The following ZNF469 variants were observed in gnomAD, a reference collection of about 807,000 sequenced individuals.
ZNF469 encodes zinc finger protein 469.
A neutral mutation model predicts 1.0 loss-of-function variants in ZNF469; 1 was observed. The ratio of observed to expected loss-of-function variants is 1.00; its 90% CI spans 0.35 to 4.73. The LOEUF (loss-of-function observed/expected upper bound fraction) is 4.73. ZNF469 is among the 30% of genes most tolerant of loss of function. The pLI is 0.16. For missense variants in ZNF469, 6,100 were observed against 5,356.3 expected, an observed-to-expected ratio of 1.14 and a Z score of -4.33; for synonymous variants, 2,703 against 2,363.4, an observed-to-expected ratio of 1.14 and a Z score of -4.17.
chr16:88,340,816 T>C, the ZNF469 span, among the ~76,000 whole-genome samples: 14 of 152,050 alleles, frequency 9.2e-5, no homozygotes. Context: ...GGGAGGAGTT[T>C]ACAGGCAGAG....
At chr16:88,235,869 T>C in the ZNF469 span, among the ~76,000 whole-genome samples, 1 of 151,962 alleles carries the variant, frequency 6.6e-6, no homozygotes, top group Non-Finnish European at 1.5e-5. Flanking sequence ...GGACAGGAGG[T>C]TCAGGCAGAG....
At chr16:88,382,507 G>T (rs985083060), upstream of ZNF469, among the ~76,000 whole-genome samples, 2 of 152,178 alleles carry the variant, frequency 1.3e-5, no homozygotes, top group Non-Finnish European at 2.9e-5. Flanking sequence ...AGCGTGCCAT[G>T]GGGACCTCCT....
rs969419472 is a variant in ZNF469, at chr16:88,428,692, G to C, written c.1222G>C (p.Gly408Arg). The C allele has an allele frequency of 7.1e-6, 11 of 1,549,488 alleles. No individual in the cohort carries two copies. Among genetic ancestry groups the C allele is most frequent in the Non-Finnish European group, 9.6e-6 (11 of 1,146,790 alleles). Reference sequence around the variant, plus strand: ...CTCCCTACCCCAGAGGCACTTTCCAGGGCAGGCGTACAGAGCCAGTGGGGT... The same window carrying C: ...CTCCCTACCCCAGAGGCACTTTCCACGGCAGGCGTACAGAGCCAGTGGGGT... ...PSSLPQRHFPGQAYRASGVDT... is the reference protein window; with the variant it reads ...PSSLPQRHFPRQAYRASGVDT... The change falls in exon 3 of 3, where the codon GGG becomes CGG. Residue 408 changes from glycine (G) to arginine (R), a missense_variant. Physicochemically the swap from Gly to Arg is moderately radical, Grantham distance 125. Coordinates refer to ENST00000565624, the MANE Select transcript of ZNF469 (RefSeq NM_001367624.2).
chr16:88,132,031 G>A, the ZNF469 span, among the ~76,000 whole-genome samples: 1 of 152,232 alleles, frequency 6.6e-6, no homozygotes, highest in South Asian at 2.1e-4. Flanking sequence ...GCGGCAGGAC[G>A]GCACTCCCAG....
the ZNF469 span, among the ~76,000 whole-genome samples, chr16:88,202,663 A>G: frequency 6.6e-6 from 1 of 152,064 alleles, no homozygotes; most frequent in Non-Finnish European, 1.5e-5. Flanking sequence ...AGACCTTAGG[A>G]AACGTTGTGT....
Position 88,434,099 on chromosome 16 carries a change from T to G in ZNF469, c.6629T>G (p.Leu2210Arg), listed in dbSNP as rs564413710. 3.9e-6 allele frequency: 6 copies of G among 1,550,266 alleles called. No homozygotes were observed. Among genetic ancestry groups the G allele is most frequent in the Middle Eastern group, 1.7e-4 (1 of 6,014 alleles). ...AGCCCCTGCGATCCCAAGGAAGCCC[T>G]GGCTGGTTGCCTTCTCCAGGGGGAG... ...TTSPCDPKEA[L>R]AGCLLQGEGS... The change falls in exon 3 of 3, where the codon CTG becomes CGG. Residue 2210 changes from leucine to arginine, a missense_variant. Leu to Arg is a moderately radical substitution (Grantham distance 102, BLOSUM62 -2). Transcript: ENST00000565624.
chr16:88,355,394 C>T, the ZNF469 span, among the ~76,000 whole-genome samples: 3 of 152,358 alleles, frequency 2.0e-5, no homozygotes, highest in South Asian at 2.1e-4. Context: ...CTACCCTCCC[C>T]GTCCCGCCAC....
chr16:88,264,361 T>C, the ZNF469 span, among the ~76,000 whole-genome samples: 1 of 151,802 alleles, frequency 6.6e-6, no homozygotes, highest in Non-Finnish European at 1.5e-5. Flanking sequence ...GATGCCCACC[T>C]TCCTCTCTCC....
the ZNF469 span, among the ~76,000 whole-genome samples, chr16:88,274,038 C>G: frequency 6.6e-6 from 1 of 152,120 alleles, no homozygotes; most frequent in Non-Finnish European, 1.5e-5. Flanking sequence ...CTCCTGACCT[C>G]GTGATCCGCC....
the ZNF469 span, among the ~76,000 whole-genome samples, chr16:88,182,886 C>T: frequency 6.6e-6 from 1 of 152,248 alleles, no homozygotes; most frequent in Non-Finnish European, 1.5e-5. Flanking sequence ...AAAAAACTGA[C>T]AAACTGAACT....
the ZNF469 span, among the ~76,000 whole-genome samples, chr16:88,280,813 G>A: frequency 2.6e-5 from 4 of 151,818 alleles, no homozygotes; most frequent in Non-Finnish European, 4.4e-5. Context: ...GGTTGGTGCT[G>A]TGCCACCCTG....
the ZNF469 span, among the ~76,000 whole-genome samples, chr16:88,376,531 G>T: frequency 6.6e-6 from 1 of 152,226 alleles, no homozygotes; most frequent in Non-Finnish European, 1.5e-5. Flanking sequence ...CCGTGAACGG[G>T]CCCATTCATG....
intron 1 of ZNF469, among the ~76,000 whole-genome samples, chr16:88,407,512 G>A (rs967926208): frequency 2.0e-5 from 3 of 152,234 alleles, no homozygotes; most frequent in South Asian, 2.1e-4. Flanking sequence ...GTCGGACACC[G>A]AACGAGGCCG....
the ZNF469 span, among the ~76,000 whole-genome samples, chr16:88,258,101 C>T: frequency 6.6e-6 from 1 of 152,106 alleles, no homozygotes; most frequent in Non-Finnish European, 1.5e-5. Context: ...TGGTACAGAC[C>T]AGTAGAAGCA....
the ZNF469 span, among the ~76,000 whole-genome samples, chr16:88,197,939 G>A: frequency 3.9e-5 from 6 of 152,362 alleles, no homozygotes; most frequent in Admixed American, 2.0e-4. Flanking sequence ...GCAGCTGCAC[G>A]CTAGTGTGCC....
the ZNF469 span, among the ~76,000 whole-genome samples, chr16:88,183,997 T>C: frequency 6.6e-6 from 1 of 151,806 alleles, no homozygotes; most frequent in Non-Finnish European, 1.5e-5. Context: ...CAGCTTTCTG[T>C]TCCTACCGGG....
chr16:88,223,198 C>T, the ZNF469 span, among the ~76,000 whole-genome samples: 3 of 152,232 alleles, frequency 2.0e-5, no homozygotes, highest in South Asian at 6.2e-4. Context: ...TGGGAGGGAC[C>T]CAGTGGGAGA....
chr16:88,163,996 GGTA>G, the ZNF469 span, among the ~76,000 whole-genome samples: 2 of 151,096 alleles, frequency 1.3e-5, no homozygotes, highest in African/African-American at 2.4e-5. Context: ...TAGATGGGTG[GGTA>G]GATATATGGA....
At chr16:88,129,433 C>T in the ZNF469 span, among the ~76,000 whole-genome samples, 8 of 96,594 alleles carry the variant, frequency 8.3e-5, no homozygotes, top group East Asian at 2.2e-4. Context: ...TTGCACATAC[C>T]GTTTTTTTTG....
Sources: gnomAD v4.1 joint callset for allele counts (sites outside exome capture counted in the v4.1 genomes callset) on GRCh38, gnomAD v4.1.1 for gene constraint, MANE v1.5 for transcripts, NCBI Gene and HGNC (gene_info 2026-07-23, HGNC 2026-07-21) for gene names.